ZBTB20: variants seen among roughly 807,000 people sequenced by gnomAD.
ZBTB20 encodes the protein zinc finger and BTB domain-containing protein 20.
In ZBTB20, 9 loss-of-function variants were observed where a neutral mutation model predicts 56.9. The ratio of observed to expected loss-of-function variants is 0.16; its 90% CI spans 0.10 to 0.28. ZBTB20 has a LOEUF of 0.28. Ranked by LOEUF, ZBTB20 falls within the 10% of genes least tolerant of loss-of-function variation. The pLI is 1.00. For missense variants in ZBTB20, 655 were observed against 1,003.0 expected, an observed-to-expected ratio of 0.65 and a Z score of 4.69; for synonymous variants, 417 against 420.7, an observed-to-expected ratio of 0.99 and a Z score of 0.11.
chr3:114,326,561 G>A lies in ZBTB20; in HGVS notation c.*12444C>T, dbSNP rs1436450483. On this transcript the variant is annotated 3_prime_UTR_variant, in exon 12 of 12. Transcript: ENST00000675478. ...ATACAGTAAGGGTGAGCAGTTATTT[G>A]ACTGTCCATGGACAGTAACAAATTA... 4 of 152,104 alleles carry A rather than the reference G, an allele frequency of 2.6e-5. No homozygotes were observed. Among genetic ancestry groups the A allele is most frequent in the African/African-American group, 9.7e-5 (4 of 41,410 alleles). 9.4% of individuals were successfully genotyped at this position (152,104 alleles called of 1,614,324 possible). A position where few individuals can be genotyped will look rare whatever the true frequency, so the allele number is the denominator to read the frequency against.
chr3:114,842,716 A>G (rs2074436672), intron 4 of ZBTB20, among the ~76,000 whole-genome samples: 1 of 152,212 alleles, frequency 6.6e-6, no homozygotes, highest in African/African-American at 2.4e-5. Context: ...AAGGAGGAAA[A>G]CTGATTCAAC....
intron 2 of ZBTB20, among the ~76,000 whole-genome samples, chr3:115,018,136 T>C (rs1287519094): frequency 6.6e-6 from 1 of 151,504 alleles, no homozygotes; most frequent in African/African-American, 2.4e-5. Flanking sequence ...TATGTGCTAA[T>C]ATTTTCCATT....
intron 6 of ZBTB20, among the ~76,000 whole-genome samples, chr3:114,574,979 G>T (rs1396217999): frequency 6.6e-6 from 1 of 152,076 alleles, no homozygotes; most frequent in African/African-American, 2.4e-5. Flanking sequence ...ACACAATGTG[G>T]AGTACTAGAA....
chr3:114,902,714 T>G (rs2075169275), intron 3 of ZBTB20, among the ~76,000 whole-genome samples: 1 of 152,264 alleles, frequency 6.6e-6, no homozygotes. Context: ...AATGCAGATG[T>G]GTAAGATTGT....
intron 5 of ZBTB20, chr3:114,792,264 A>G (rs986498376): frequency 6.6e-6 from 1 of 152,134 alleles, no homozygotes; most frequent in Non-Finnish European, 1.5e-5. Flanking sequence ...TCCTGAGGAG[A>G]CCAAACAATT....
intron 6 of ZBTB20, among the ~76,000 whole-genome samples, chr3:114,506,974 C>T (rs901970339): frequency 6.6e-6 from 1 of 152,154 alleles, no homozygotes; most frequent in African/African-American, 2.4e-5. Context: ...GCACGACACT[C>T]CAATGTTTGT....
chr3:114,718,849 T>C (rs2064700598), intron 5 of ZBTB20, among the ~76,000 whole-genome samples: 2 of 151,920 alleles, frequency 1.3e-5, no homozygotes, highest in African/African-American at 4.8e-5. Context: ...AAATACTCCA[T>C]TTTGGGTCAT....
intron 2 of ZBTB20, among the ~76,000 whole-genome samples, chr3:115,055,090 CTTCT>C (rs1443210975): frequency 6.6e-6 from 1 of 151,808 alleles, no homozygotes; most frequent in African/African-American, 2.4e-5. Context: ...GTTTCTTGGA[CTTCT>C]TTCTATTATC....
chr3:114,800,607 A>T (rs890578421), intron 5 of ZBTB20, among the ~76,000 whole-genome samples: 1 of 151,918 alleles, frequency 6.6e-6, no homozygotes, highest in African/African-American at 2.4e-5. Context: ...TCCTCAAGGC[A>T]ACAGAATCTT....
chr3:114,347,364 T>C (rs1308566631), intron 11 of ZBTB20, among the ~76,000 whole-genome samples: 3 of 152,172 alleles, frequency 2.0e-5, no homozygotes, highest in Non-Finnish European at 2.9e-5. Flanking sequence ...TGTCAAGCTA[T>C]TCTTTTTTTT....
intron 5 of ZBTB20, among the ~76,000 whole-genome samples, chr3:114,768,792 T>C (rs1258236835): frequency 6.6e-6 from 1 of 152,200 alleles, no homozygotes; most frequent in East Asian, 1.9e-4. Context: ...GAAGAGAGGC[T>C]ACAAACGATT....
At chr3:114,716,475 T>C (rs1578494425) in intron 5 of ZBTB20, among the ~76,000 whole-genome samples, 1 of 152,272 alleles carries the variant, frequency 6.6e-6, no homozygotes, top group South Asian at 2.1e-4. Flanking sequence ...AAAAAATCAA[T>C]AGTGTTAGAA....
chr3:114,511,598 TAC>T (rs1350912095), intron 6 of ZBTB20, among the ~76,000 whole-genome samples: 1 of 152,130 alleles, frequency 6.6e-6, no homozygotes, highest in African/African-American at 2.4e-5. Flanking sequence ...CACTATTAAA[TAC>T]ACAGGAATTC....
intron 10 of ZBTB20, among the ~76,000 whole-genome samples, chr3:114,378,237 C>G (rs1485872515): frequency 6.6e-6 from 1 of 152,176 alleles, no homozygotes; most frequent in Non-Finnish European, 1.5e-5. Context: ...CAATTTTCTT[C>G]TAAGTGTAGG....
chr3:114,845,706 T>C (rs530431631), intron 4 of ZBTB20, among the ~76,000 whole-genome samples: 2 of 152,312 alleles, frequency 1.3e-5, no homozygotes, highest in South Asian at 2.1e-4. Context: ...AGGTCAGTAC[T>C]ATTTGTTTTG....
chr3:114,751,639 A>G (rs2067562999), intron 5 of ZBTB20, among the ~76,000 whole-genome samples: 1 of 152,156 alleles, frequency 6.6e-6, no homozygotes, highest in Non-Finnish European at 1.5e-5. Context: ...AGGTGGCACT[A>G]TCTGGAAAAC....
chr3:114,662,502 C>T (rs1437035950), intron 6 of ZBTB20, among the ~76,000 whole-genome samples: 5 of 145,574 alleles, frequency 3.4e-5, no homozygotes, highest in African/African-American at 5.2e-5. Context: ...AATGGTTGAA[C>T]TAGTTTACAG....
intron 4 of ZBTB20, among the ~76,000 whole-genome samples, chr3:114,864,356 T>C (rs181328499): frequency 8.0e-4 from 121 of 152,200 alleles, no homozygotes; most frequent in African/African-American, 2.5e-3. Flanking sequence ...TCTTATTGTA[T>C]TGTACCTCTT....
intron 4 of ZBTB20, among the ~76,000 whole-genome samples, chr3:114,839,415 G>GAAAGAAAGAAAGAA (rs2074269601): frequency 7.3e-6 from 1 of 137,098 alleles, no homozygotes; most frequent in East Asian, 2.1e-4. Flanking sequence ...CTGAAAGAAA[G>GAAAGAAAGAAAGAA]AAAGAAAGAA....
Sources: gnomAD v4.1 joint callset for allele counts (sites outside exome capture counted in the v4.1 genomes callset) on GRCh38, gnomAD v4.1.1 for gene constraint, MANE v1.5 for transcripts, NCBI Gene and HGNC (gene_info 2026-07-23, HGNC 2026-07-21) for gene names.